The following LMTK2 variants were observed in gnomAD, a reference collection of about 807,000 sequenced individuals.
The protein encoded by LMTK2 is serine/threonine-protein kinase LMTK2.
Under a neutral mutation model 127.5 loss-of-function variants are expected in LMTK2, and 37 were observed. The observed-to-expected ratio is 0.29, with a 90% CI of 0.22 to 0.38. LMTK2 has a LOEUF of 0.38. Ranked by LOEUF, LMTK2 falls within the 10% of genes least tolerant of loss-of-function variation. LMTK2 has a pLI of 1.00. For synonymous variants in LMTK2, 819 were observed against 810.1 expected, an observed-to-expected ratio of 1.01 and a Z score of -0.19; for missense variants, 1,694 against 1,920.3, an observed-to-expected ratio of 0.88 and a Z score of 2.20.
intron 5 of LMTK2, among the ~76,000 whole-genome samples, chr7:98,157,573 ACATGTCCGT>A (rs947316134): frequency 2.6e-5 from 4 of 151,958 alleles, no homozygotes; most frequent in African/African-American, 9.7e-5. Flanking sequence ...GGAAAAACTA[ACATGTCCGT>A]CAGTAGGTGA....
intron 7 of LMTK2, among the ~76,000 whole-genome samples, chr7:98,181,135 T>G (rs1797350372): frequency 6.6e-6 from 1 of 150,632 alleles, no homozygotes; most frequent in Non-Finnish European, 1.5e-5. Context: ...GAGGGAGAAC[T>G]TAGCTTGTGT....
intron 1 of LMTK2, among the ~76,000 whole-genome samples, chr7:98,116,824 TG>T (rs1368442571): frequency 4.6e-5 from 7 of 152,232 alleles, no homozygotes; most frequent in Non-Finnish European, 8.8e-5. Flanking sequence ...TTATGCCCCT[TG>T]GGCTCCCCCA....
At chr7:98,200,852 C>G (rs1031068090) in intron 11 of LMTK2, among the ~76,000 whole-genome samples, 2 of 151,410 alleles carry the variant, frequency 1.3e-5, no homozygotes, top group Non-Finnish European at 1.5e-5. Context: ...ACTGTTATTT[C>G]TTATTTGTGG....
At chr7:98,199,284 A>G (rs539997122) in intron 11 of LMTK2, among the ~76,000 whole-genome samples, 8 of 152,202 alleles carry the variant, frequency 5.3e-5, no homozygotes, top group Admixed American at 4.6e-4. Flanking sequence ...TACTTGTTCT[A>G]TTACTCAGAG....
intron 11 of LMTK2, among the ~76,000 whole-genome samples, chr7:98,195,369 T>G (rs543974769): frequency 6.6e-6 from 1 of 152,304 alleles, no homozygotes; most frequent in South Asian, 2.1e-4. Flanking sequence ...TCCCCTGACC[T>G]GTCCTCTTTC....
intron 5 of LMTK2, among the ~76,000 whole-genome samples, chr7:98,155,234 A>G (rs1796911478): frequency 2.0e-5 from 3 of 152,320 alleles, no homozygotes; most frequent in African/African-American, 7.2e-5. Flanking sequence ...GAAGACATAA[A>G]TGGAAACCTC....
rs755345580 is a variant in LMTK2, at chr7:98,190,764, T to A, written c.1035T>A (p.Asn345Lys). ...TGACACTTTGGGAGCTTTTTGACAA[T>A]GCCGCACAGCCGTATTCAAACCTTT... ...LGVTLWELFDNAAQPYSNLSN... is the reference protein window; with the variant it reads ...LGVTLWELFDKAAQPYSNLSN... Residue 345 changes from asparagine (N) to lysine (K), a missense_variant, in exon 10 of 14, where the codon AAT (asparagine) becomes AAA (lysine). This residue lies in a region of LMTK2 where 216 missense variants were observed against 266.8 expected (regional missense o/e 0.81). Coordinates refer to ENST00000297293, the MANE Select transcript of LMTK2 (RefSeq NM_014916.4). The A allele has an allele frequency of 6.2e-7, 1 of 1,614,132 alleles. No individual in the cohort carries two copies. Among genetic ancestry groups the A allele is most frequent in the South Asian group, 1.1e-5 (1 of 91,084 alleles).
chr7:98,203,841 C>T, intron 12 of LMTK2, 103 bp from the exon 13 acceptor site: 1 of 1,574,904 alleles, frequency 6.3e-7, no homozygotes, highest in Non-Finnish European at 8.7e-7. Context: ...GCCAGCCGGG[C>T]CGGGCTGTGT....
chr7:98,112,431 A>G (rs1407140913), intron 1 of LMTK2, among the ~76,000 whole-genome samples: 1 of 152,234 alleles, frequency 6.6e-6, no homozygotes, highest in Non-Finnish European at 1.5e-5. Context: ...TGTGTTGTCT[A>G]GTACAATAGC....
chr7:98,206,941 C>T lies in LMTK2; in HGVS notation c.*1449C>T, dbSNP rs1470163911. The T allele has an allele frequency of 1.3e-5, 2 of 152,214 alleles. No homozygotes were observed. The highest frequency in any genetic ancestry group is 4.8e-5 in the African/African-American group (2 of 41,438). The allele number at this position is 152,214 out of a possible 1,614,324, so 9.4% of individuals were successfully genotyped here. A position where few individuals can be genotyped will look rare whatever the true frequency, so the allele number is the denominator to read the frequency against. On this transcript the variant is annotated 3_prime_UTR_variant, in exon 14 of 14. Transcript: ENST00000297293. ...TGGCCCGGGACTCATCTCACGGACC[C>T]TCCGTTCTGCATTAAGCCCCAGGTT...
chr7:98,175,777 C>T (rs1286292584), intron 7 of LMTK2, among the ~76,000 whole-genome samples: 1 of 152,142 alleles, frequency 6.6e-6, no homozygotes, highest in Non-Finnish European at 1.5e-5. Context: ...CAGCTACAAC[C>T]CAAGAAGAGA....
intron 1 of LMTK2, among the ~76,000 whole-genome samples, chr7:98,128,082 T>C (rs963605735): frequency 6.6e-6 from 1 of 152,090 alleles, no homozygotes; most frequent in East Asian, 1.9e-4. Flanking sequence ...AGGTGGAGGT[T>C]GCAGTGAGCC....
At chr7:98,139,560 A>C (rs1342695576) in intron 2 of LMTK2, among the ~76,000 whole-genome samples, 1 of 152,188 alleles carries the variant, frequency 6.6e-6, no homozygotes, top group Non-Finnish European at 1.5e-5. Context: ...TTACAGAGAG[A>C]GCCCTATTTA....
chr7:98,141,514 G>C lies in LMTK2; in HGVS notation c.349G>C (p.Ala117Pro). ...TTCAGTACCAAATATTTCACTCCCA[G>C]CTCCCTCGCAATTCCAGCCTTCTGT... ...TLSVPNISLPAPSQFQPSVEG... is the reference protein window; with the variant it reads ...TLSVPNISLPPPSQFQPSVEG... The change falls in exon 3 of 14, where the codon GCT becomes CCT. Residue 117 changes from alanine to proline, a missense_variant. Physicochemically the swap from Ala to Pro is conservative, Grantham distance 27 (BLOSUM62 -1). Around this residue, in one of 8 missense-constraint regions of LMTK2, gnomAD observed 203 missense variants for 226.2 expected, o/e 0.90. Transcript: ENST00000297293. 6.2e-7 allele frequency: 1 copy of C among 1,614,058 alleles called. No homozygotes were observed. Among genetic ancestry groups the C allele is most frequent in the Admixed American group, 1.7e-5 (1 of 60,004 alleles).
chr7:98,135,094 G>T (rs1796579511), intron 1 of LMTK2, among the ~76,000 whole-genome samples: 1 of 152,138 alleles, frequency 6.6e-6, no homozygotes, highest in Admixed American at 6.5e-5. Flanking sequence ...AAAGAACTTA[G>T]TTCTGTTTGC....
intron 3 of LMTK2, among the ~76,000 whole-genome samples, chr7:98,149,998 ACAGATGG>A (rs1796829327): frequency 6.6e-6 from 1 of 152,214 alleles, no homozygotes. Flanking sequence ...CAGAAGATAT[ACAGATGG>A]CAGGTAGGCA....
intron 3 of LMTK2, among the ~76,000 whole-genome samples, chr7:98,147,763 T>G (rs1383405503): frequency 6.6e-6 from 1 of 152,226 alleles, no homozygotes; most frequent in Admixed American, 6.5e-5. Context: ...CCAAATTTGT[T>G]GTTGGAACAC....
In LMTK2 at chr7:98,208,662, A is replaced by G. The variant is rs1584307709; in HGVS notation, c.*3170A>G. 6.6e-6 allele frequency: 1 copy of G among 152,214 alleles called. No homozygotes were observed. The highest frequency in any genetic ancestry group is 1.5e-5 in the Non-Finnish European group (1 of 68,040). The allele number at this position is 152,214 out of a possible 1,614,324, so 9.4% of individuals were successfully genotyped here. ...GCTAGATGCGAATTTGTCTTTTTGA[A>G]TGACCCTGTCAATAAGCCAGAAAGG... On this transcript the variant is annotated 3_prime_UTR_variant, in exon 14 of 14. Transcript: ENST00000297293.
intron 3 of LMTK2, 138 bp from the exon 4 acceptor site, chr7:98,151,244 T>A: frequency 1.9e-6 from 1 of 528,412 alleles, no homozygotes; most frequent in Admixed American, 3.7e-5. Flanking sequence ...TTTGGCATGA[T>A]TCGTTTAAAA....
Sources: gnomAD v4.1 joint callset for allele counts (sites outside exome capture counted in the v4.1 genomes callset) on GRCh38, gnomAD v4.1.1 for gene constraint, gnomAD v4.1.1 regional missense constraint, MANE v1.5 for transcripts, NCBI Gene and HGNC (gene_info 2026-07-23, HGNC 2026-07-21) for gene names.